VSIG2: variants seen among roughly 807,000 people sequenced by gnomAD.
The protein encoded by VSIG2 is V-set and immunoglobulin domain containing 2.
Under a neutral mutation model 29.4 loss-of-function variants are expected in VSIG2, and 30 were observed. The ratio of observed to expected loss-of-function variants is 1.02; its 90% CI spans 0.76 to 1.38. The LOEUF is 1.38. Ranked by LOEUF, VSIG2 falls within the 40% of genes most tolerant of loss-of-function variation. VSIG2 has a pLI of 0.00. For synonymous variants in VSIG2, 178 were observed against 174.2 expected (o/e 1.02, Z -0.17); for missense variants, 421 against 400.8 (o/e 1.05, Z -0.43).
chr11:124,751,387 G>A, intron 2 of VSIG2, 36 bp downstream of exon 2: 2 of 1,606,692 alleles, frequency 1.2e-6, no homozygotes, highest in Non-Finnish European at 8.5e-7. Context: ...TGTCCCTCCA[G>A]GCCAACCCAG....
At position 124,749,798 on chromosome 11, in the gene VSIG2, A is replaced by C. The variant is rs1246210360; in HGVS notation, c.496T>G (p.Cys166Gly). The change falls in exon 4 of 7, where the codon TGC becomes GGC. Residue 166 changes from cysteine to glycine, a missense_variant. By Grantham distance (159) the Cys-to-Gly change is radical. Transcript: ENST00000326621. ...TSVGGSTALR[C>G]SSSEGAPKPV... ...TTAGGAGCCCCCTCGGAAGAGCTGCATCTCAGTGCAGTAGAGCCTCCCACA... is the reference window on the plus strand; with the variant it reads ...TTAGGAGCCCCCTCGGAAGAGCTGCCTCTCAGTGCAGTAGAGCCTCCCACA... The C allele has an allele frequency of 1.9e-6, 3 of 1,606,440 alleles. No homozygotes were observed. Among genetic ancestry groups the C allele is most frequent in the Non-Finnish European group, 2.5e-6 (3 of 1,176,858 alleles).
chr11:124,750,888 T>C lies in VSIG2; in HGVS notation c.253A>G (p.Thr85Ala). The change falls in exon 3 of 7, where the codon ACT becomes GCT. Residue 85 changes from threonine to alanine, a missense_variant. Physicochemically the swap from Thr to Ala is moderately conservative, Grantham distance 58. Transcript: ENST00000326621. ...CTGACCCGCTTTGACTTAGAACCAG[T>C]TGGATACAGATGGCCATTGGTGAAG... The part of the protein sequence containing the change: ...LYFTNGHLYP[T>A]GSKSKRVSLL... 1 of 1,614,012 alleles carries C rather than the reference T, an allele frequency of 6.2e-7. No individual in the cohort carries two copies. The highest frequency in any genetic ancestry group is 8.5e-7 in the Non-Finnish European group (1 of 1,179,978).
At chr11:124,750,509 T>C (rs1006153527) in intron 3 of VSIG2, among the ~76,000 whole-genome samples, 4 of 152,044 alleles carry the variant, frequency 2.6e-5, no homozygotes, top group African/African-American at 9.7e-5. Flanking sequence ...TAGGCTCTGA[T>C]GGAGGAGATG....
chr11:124,749,993 TC>T, intron 3 of VSIG2, 127 bp from the exon 4 acceptor site: 2 of 1,063,120 alleles, frequency 1.9e-6, no homozygotes, highest in Non-Finnish European at 2.6e-6. Context: ...TCCTCTTGGG[TC>T]CACACACCAC....
At chr11:124,748,281 C>T (rs1435897586) in intron 6 of VSIG2, 109 bp downstream of exon 6, 2 of 1,261,142 alleles carry the variant, frequency 1.6e-6, no homozygotes, top group African/African-American at 1.5e-5. Flanking sequence ...ACAACACCTC[C>T]TGCCCCTAAA....
At position 124,747,492 on chromosome 11, in the gene VSIG2, A is replaced by G; in HGVS notation, c.*43T>C. On this transcript the variant is annotated 3_prime_UTR_variant, in exon 7 of 7. Transcript: ENST00000326621. Reference sequence around the variant, plus strand: ...GACAGTATGGTACCCACAGACTTTAATTATTGATATTCCCCCTCACCGCCC... The same window carrying G: ...GACAGTATGGTACCCACAGACTTTAGTTATTGATATTCCCCCTCACCGCCC... The G allele has an allele frequency of 1.3e-6, 2 of 1,581,338 alleles. No homozygotes were observed. Among genetic ancestry groups the G allele is most frequent in the Non-Finnish European group, 1.7e-6 (2 of 1,165,320 alleles).
rs1402994190 is a variant in VSIG2, at chr11:124,748,640, C to G, written c.706+4G>C. 6.2e-7 allele frequency: 1 copy of G among 1,612,018 alleles called. No individual in the cohort carries two copies. Among genetic ancestry groups the G allele is most frequent in the South Asian group, 1.1e-5 (1 of 90,774 alleles). ...CTGGCCTGGCCTCCACCCAGCATCC[C>G]TACCGGTCACAGAGAGGGTCAGCTC... On this transcript the variant is annotated splice_donor_region_variant and intron_variant, in intron 5 of 6. Coordinates refer to ENST00000326621, the MANE Select transcript of VSIG2 (RefSeq NM_014312.5).
chr11:124,749,884 A>AAAAACAAAAAAAAAC lies in VSIG2; in HGVS notation c.428-19_428-18insGTTTTTTTTTGTTTT. ...GGGGGGAACTGCAAAAAAAAAAAAAAAAAAAAAAAAACAGAAAGTTCCTCA... is the reference window on the plus strand; with the variant it reads ...GGGGGGAACTGCAAAAAAAAAAAAAAAAAACAAAAAAAAACAAAAAAAAAAACAGAAAGTTCCTCA... On this transcript the variant is annotated intron_variant, in intron 3 of 6. Transcript: ENST00000326621. 4 of 1,460,314 alleles carry AAAAACAAAAAAAAAC rather than the reference A, an allele frequency of 2.7e-6. No individual in the cohort carries two copies. Among genetic ancestry groups the AAAAACAAAAAAAAAC allele is most frequent in the African/African-American group, 3.2e-5 (2 of 63,114 alleles). The allele number at this position is 1,460,314 out of a possible 1,614,324, so 90.5% of individuals were successfully genotyped here. A position where few individuals can be genotyped will look rare whatever the true frequency, so the allele number is the denominator to read the frequency against.
At chr11:124,749,935 T>C (rs1944066148) in intron 3 of VSIG2, 69 bp from the exon 4 acceptor site, 4 of 1,422,566 alleles carry the variant, frequency 2.8e-6, no homozygotes, top group Non-Finnish European at 3.7e-6. Flanking sequence ...CACTCCCAAC[T>C]CCATTAGGTG....
In VSIG2 at chr11:124,748,142, A is replaced by AG. The variant is rs1300092896; in HGVS notation, c.851+247dup. The AG allele has an allele frequency of 6.1e-6, 3 of 494,402 alleles. No homozygotes were observed. In the Admixed American group the frequency reaches 1.1e-4, roughly 19 times the overall value. The allele number at this position is 494,402 out of a possible 1,614,324, so 30.6% of individuals were successfully genotyped here. A position where few individuals can be genotyped will look rare whatever the true frequency, so the allele number is the denominator to read the frequency against. On this transcript the variant is annotated intron_variant, in intron 6 of 6. Coordinates refer to ENST00000326621, the MANE Select transcript of VSIG2 (RefSeq NM_014312.5). ...AAAGTAAACTTTATTAAATATGAGG[A>AG]GGGGCAGGGCAGTCCTGCAAACAGC...
intron 4 of VSIG2, 124 bp from the exon 5 acceptor site, chr11:124,748,887 G>A (rs1944048855): frequency 2.1e-6 from 3 of 1,406,734 alleles, no homozygotes; most frequent in African/African-American, 2.8e-5. Context: ...TTTTTCACTG[G>A]GGAGGAAACC....
At chr11:124,749,890 A>AC in intron 3 of VSIG2, 24 bp from the exon 4 acceptor site, 1 of 1,535,328 alleles carries the variant, frequency 6.5e-7, no homozygotes, top group East Asian at 2.3e-5. Context: ...AAAAAAAAAA[A>AC]AAAAACAGAA....
Position 124,752,097 on chromosome 11 carries a change from A to T in VSIG2, c.41T>A (p.Leu14Gln). ...CTCACCACTCAGGCACAGGAAGCCT[A>T]GCAGGGCCCCGCAGAGAAAGGGCCC... The part of the protein sequence containing the change: ...LPGPFLCGAL[L>Q]GFLCLSGLAV... Residue 14 changes from leucine to glutamine, a missense_variant, in exon 1 of 7, where the codon CTA becomes CAA. Physicochemically the swap from Leu to Gln is moderately radical, Grantham distance 113. Transcript: ENST00000326621. 1 of 1,606,876 alleles carries T rather than the reference A, an allele frequency of 6.2e-7. No individual in the cohort carries two copies. The highest frequency in any genetic ancestry group is 8.5e-7 in the Non-Finnish European group (1 of 1,178,836).
chr11:124,750,175 C>A (rs1027353686), intron 3 of VSIG2, among the ~76,000 whole-genome samples: 6 of 152,228 alleles, frequency 3.9e-5, no homozygotes, highest in Non-Finnish European at 8.8e-5. Context: ...ACATGACAGC[C>A]CTTTGGATAG....
chr11:124,751,866 G>A (rs1279720344), intron 1 of VSIG2, among the ~76,000 whole-genome samples: 2 of 152,216 alleles, frequency 1.3e-5, no homozygotes, highest in African/African-American at 2.4e-5. Flanking sequence ...GCCGCGGAGA[G>A]GCCCAACTCG....
At chr11:124,750,243 C>T (rs1276374584) in intron 3 of VSIG2, among the ~76,000 whole-genome samples, 2 of 152,236 alleles carry the variant, frequency 1.3e-5, no homozygotes, top group East Asian at 1.9e-4. Context: ...TAAACACTGC[C>T]AGTCTCTGTG....
At position 124,752,239 on chromosome 11, in the gene VSIG2, T is replaced by C. The variant is rs1297745619; in HGVS notation, c.-102A>G. 8.0e-7 allele frequency: 1 copy of C among 1,251,204 alleles called. No individual in the cohort carries two copies. Among genetic ancestry groups the C allele is most frequent in the African/African-American group, 1.5e-5 (1 of 65,244 alleles). 77.5% of individuals were successfully genotyped at this position (1,251,204 alleles called of 1,614,324 possible). A position where few individuals can be genotyped will look rare whatever the true frequency, so the allele number is the denominator to read the frequency against. ...AGCACCCAAGGGCAGCCGCCCGGGC[T>C]GGGCAGGAGCGAGACTGGTATCTCA... On this transcript the variant is annotated 5_prime_UTR_variant, in exon 1 of 7. Coordinates refer to ENST00000326621, the MANE Select transcript of VSIG2 (RefSeq NM_014312.5).
At position 124,752,141 on chromosome 11, in the gene VSIG2, C is replaced by A; in HGVS notation, c.-4G>T. On this transcript the variant is annotated 5_prime_UTR_variant, in exon 1 of 7. Coordinates refer to ENST00000326621, the MANE Select transcript of VSIG2 (RefSeq NM_014312.5). ...AGGGCCCCGGGAGCTCGGCCATGGC[C>A]GCGTCCGGCCGTCCTGTCCTGCTCC... 6.3e-7 allele frequency: 1 copy of A among 1,584,790 alleles called. No homozygotes were observed. Among genetic ancestry groups the A allele is most frequent in the Non-Finnish European group, 8.5e-7 (1 of 1,170,122 alleles).
chr11:124,748,558 T>C, intron 5 of VSIG2, 24 bp from the exon 6 acceptor site: 1 of 1,611,490 alleles, frequency 6.2e-7, no homozygotes. Flanking sequence ...GGACCCTCAC[T>C]CAGAATTGCA....
Sources: allele counts gnomAD v4.1 joint callset (sites outside exome capture counted in the v4.1 genomes callset), GRCh38; gene constraint gnomAD v4.1.1; transcripts MANE v1.5; gene names NCBI Gene and HGNC (gene_info 2026-07-23, HGNC 2026-07-21).